SEL1L3: variants seen among roughly 807,000 people sequenced by gnomAD.
SEL1L3 encodes SEL1L family member 3.
A neutral mutation model predicts 142.8 loss-of-function variants in SEL1L3; 76 were observed. The ratio of observed to expected loss-of-function variants is 0.53; its 90% CI spans 0.44 to 0.64. The LOEUF is 0.64. Ranked by LOEUF, SEL1L3 falls within the 30% of genes least tolerant of loss-of-function variation. The pLI is 0.00. For missense variants in SEL1L3, 1,262 were observed against 1,381.7 expected (o/e 0.91, Z 1.37); for synonymous variants, 504 against 519.6 (o/e 0.97, Z 0.41).
chr4:25,859,837 C>T (rs186277743), intron 1 of SEL1L3, among the ~76,000 whole-genome samples: 89 of 152,322 alleles, frequency 5.8e-4, no homozygotes, highest in African/African-American at 1.9e-3. Context: ...ACTTTAACAT[C>T]CTGCTTCTAT....
At chr4:25,787,461 C>G (rs192203449) in intron 13 of SEL1L3, among the ~76,000 whole-genome samples, 3 of 152,136 alleles carry the variant, frequency 2.0e-5, no homozygotes, top group Non-Finnish European at 2.9e-5. Context: ...GCTGGGATTA[C>G]AGGCACAGCC....
chr4:25,856,388 T>G (rs368468078), intron 1 of SEL1L3, among the ~76,000 whole-genome samples: 1 of 152,234 alleles, frequency 6.6e-6, no homozygotes, highest in African/African-American at 2.4e-5. Context: ...TTATGTGGTT[T>G]AGGCAGCTAC....
At position 25,802,383 on chromosome 4, in the gene SEL1L3, C is replaced by A. The variant is rs770922819; in HGVS notation, c.1856G>T (p.Gly619Val). ...CCAGTCCAGGGGGTAGTTGTCAATA[C>A]CCTGGTAGTGTTTATACCCAAGATT... ...SMNLGYKHYQ[G>V]IDNYPLDWEL... The change falls in exon 11 of 24, where the codon GGT (glycine) becomes GTT (valine). Residue 619 changes from glycine to valine, a missense_variant. Gly to Val is a moderately radical substitution (Grantham distance 109, BLOSUM62 -3). Coordinates refer to ENST00000399878, the MANE Select transcript of SEL1L3 (RefSeq NM_015187.5). 1 of 1,613,868 alleles carries A rather than the reference C, an allele frequency of 6.2e-7. No individual in the cohort carries two copies. Among genetic ancestry groups the A allele is most frequent in the East Asian group, 2.2e-5 (1 of 44,880 alleles).
intron 10 of SEL1L3, among the ~76,000 whole-genome samples, chr4:25,802,667 C>T (rs537887184): frequency 1.3e-5 from 2 of 152,020 alleles, no homozygotes; most frequent in East Asian, 1.9e-4. Context: ...CTGCAAGCTC[C>T]GCCTCCCAGG....
intron 20 of SEL1L3, among the ~76,000 whole-genome samples, chr4:25,762,608 G>A (rs1036287021): frequency 2.0e-5 from 3 of 152,120 alleles, no homozygotes; most frequent in Non-Finnish European, 4.4e-5. Context: ...CAGAATATGG[G>A]GCAGCTATTA....
chr4:25,817,350 G>GC (rs1366356115), intron 9 of SEL1L3, among the ~76,000 whole-genome samples: 1 of 152,124 alleles, frequency 6.6e-6, no homozygotes, highest in East Asian at 1.9e-4. Flanking sequence ...AAGACAGTTG[G>GC]CAACTCCCTG....
At chr4:25,789,867 C>T (rs184623277) in intron 12 of SEL1L3, among the ~76,000 whole-genome samples, 3 of 152,240 alleles carry the variant, frequency 2.0e-5, no homozygotes, top group East Asian at 1.9e-4. Flanking sequence ...CTTCCCCAGC[C>T]GTCTGCCCTT....
chr4:25,734,494 A>T, the SEL1L3 span, among the ~76,000 whole-genome samples: 2 of 152,170 alleles, frequency 1.3e-5, no homozygotes, highest in Non-Finnish European at 1.5e-5. Context: ...TATTCCTGAG[A>T]TAAACTACAC....
chr4:25,782,194 T>A (rs1001994388), intron 15 of SEL1L3, 48 bp downstream of exon 15: 3 of 1,547,604 alleles, frequency 1.9e-6, no homozygotes, highest in Admixed American at 1.7e-5. Context: ...AAATGCTTCA[T>A]GATCAAGTGA....
chr4:25,849,564 G>A (rs1716752588), intron 1 of SEL1L3, among the ~76,000 whole-genome samples: 1 of 152,200 alleles, frequency 6.6e-6, no homozygotes, highest in African/African-American at 2.4e-5. Context: ...AATGGGTCCA[G>A]AGTTTCAGTT....
intron 17 of SEL1L3, among the ~76,000 whole-genome samples, chr4:25,769,870 G>A (rs1034024403): frequency 6.6e-6 from 1 of 152,186 alleles, no homozygotes; most frequent in African/African-American, 2.4e-5. Context: ...GCTCATGCCT[G>A]TAATCCCAGA....
At chr4:25,764,672 C>T (rs1718596596) in intron 20 of SEL1L3, among the ~76,000 whole-genome samples, 1 of 152,084 alleles carries the variant, frequency 6.6e-6, no homozygotes, top group Non-Finnish European at 1.5e-5. Flanking sequence ...GTAGAAACAC[C>T]CTTCTGTTTG....
chr4:25,804,041 T>C (rs1052339887), intron 10 of SEL1L3, among the ~76,000 whole-genome samples: 1 of 152,196 alleles, frequency 6.6e-6, no homozygotes, highest in Non-Finnish European at 1.5e-5. Context: ...TAATGCACTA[T>C]GAAAATGTAA....
chr4:25,855,512 T>C (rs1229549178), intron 1 of SEL1L3, among the ~76,000 whole-genome samples: 1 of 152,054 alleles, frequency 6.6e-6, no homozygotes, highest in East Asian at 1.9e-4. Flanking sequence ...TCCCAGCACT[T>C]TGGGAGGCCG....
the SEL1L3 span, among the ~76,000 whole-genome samples, chr4:25,728,562 C>T: frequency 6.6e-6 from 1 of 152,128 alleles, no homozygotes; most frequent in Admixed American, 6.5e-5. Flanking sequence ...CCTGCCCGTC[C>T]ATCAAGGCTC....
intron 2 of SEL1L3, among the ~76,000 whole-genome samples, chr4:25,837,288 C>G (rs1156389074): frequency 2.0e-5 from 3 of 146,676 alleles, no homozygotes; most frequent in African/African-American, 7.7e-5. Context: ...CGTTAGACCC[C>G]TAGGAAGCCT....
intron 9 of SEL1L3, among the ~76,000 whole-genome samples, chr4:25,816,737 G>A (rs748039215): frequency 2.0e-5 from 3 of 152,072 alleles, no homozygotes; most frequent in Non-Finnish European, 2.9e-5. Flanking sequence ...CTGAGCTCTC[G>A]TTGGAACAAT....
intron 5 of SEL1L3, among the ~76,000 whole-genome samples, chr4:25,830,628 G>A (rs1424122328): frequency 6.6e-6 from 1 of 152,152 alleles, no homozygotes; most frequent in Admixed American, 6.5e-5. Context: ...CATTTTAACA[G>A]GGACACTATT....
chr4:25,721,784 A>G, the SEL1L3 span, among the ~76,000 whole-genome samples: 3 of 152,174 alleles, frequency 2.0e-5, no homozygotes, highest in Non-Finnish European at 4.4e-5. Flanking sequence ...TCCCACTTCC[A>G]TGGGAAGCCT....
Sources: gnomAD v4.1 joint callset for allele counts (sites outside exome capture counted in the v4.1 genomes callset) on GRCh38, gnomAD v4.1.1 for gene constraint, MANE v1.5 for transcripts, NCBI Gene and HGNC (gene_info 2026-07-23, HGNC 2026-07-21) for gene names.